The following EYS variants were observed in gnomAD, a reference collection of about 807,000 sequenced individuals.
EYS encodes EGF-like photoreceptor maintenance factor, also known as protein eyes shut homolog.
EYS carries 250 observed loss-of-function variants against 282.1 expected under a neutral mutation model. That is an observed-to-expected ratio of 0.89 (90% CI 0.80 to 0.98). EYS has a LOEUF of 0.98. Among genes scored for constraint, EYS ranks in the 50% least tolerant of loss-of-function variants. EYS has a pLI of 0.00. For missense variants in EYS, 4,016 were observed against 3,709.0 expected (o/e 1.08, Z -2.15); for synonymous variants, 1,355 against 1,282.9 (o/e 1.06, Z -1.20).
chr6:64,182,765 C>A (rs539730129), intron 31 of EYS, among the ~76,000 whole-genome samples: 1 of 152,232 alleles, frequency 6.6e-6, no homozygotes, highest in African/African-American at 2.4e-5. Context: ...GAATTCACTT[C>A]TTTCTACTCA....
In EYS at chr6:64,668,543, C is replaced by CTTT. The variant is rs35765768; in HGVS notation, c.3444-42301_3444-42299dup. On this transcript the variant is annotated intron_variant, in intron 22 of 42. Coordinates refer to ENST00000503581, the MANE Select transcript of EYS (RefSeq NM_001142800.2). The stretch of plus-strand genomic sequence containing the variant: ...CAGCCTTCCAGCTAGTACCACAATT[C>CTTT]TTTTTTTTTTTTTTTTTTTTTTTCG... Among the ~76,000 whole-genome samples the CTTT allele has an allele frequency of 5.5e-4, 42 of 76,148 alleles. 1 individual carries two copies. Among genetic ancestry groups the CTTT allele is most frequent in the South Asian group, 1.1e-3 (2 of 1,758 alleles). The allele number at this position is 76,148 out of a possible 152,430, so 50.0% of individuals were successfully genotyped here. A position where few individuals can be genotyped will look rare whatever the true frequency, so the allele number is the denominator to read the frequency against.
At chr6:64,202,812 A>T (rs1213874109) in intron 31 of EYS, among the ~76,000 whole-genome samples, 1 of 152,186 alleles carries the variant, frequency 6.6e-6, no homozygotes, top group Non-Finnish European at 1.5e-5. Flanking sequence ...GAAGGCAGAG[A>T]TTAGAGTTAT....
intron 29 of EYS, among the ~76,000 whole-genome samples, chr6:64,348,039 T>A (rs574708669): frequency 8.9e-4 from 135 of 151,438 alleles, no homozygotes; most frequent in Non-Finnish European, 9.6e-4. Flanking sequence ...TATATTTTAA[T>A]ATTTAAAATT....
At chr6:64,221,794 C>T (rs926730976) in intron 31 of EYS, among the ~76,000 whole-genome samples, 2 of 151,990 alleles carry the variant, frequency 1.3e-5, no homozygotes, top group Non-Finnish European at 2.9e-5. Flanking sequence ...ATATAAGAAA[C>T]TTGATTGTTT....
At chr6:64,371,324 GTT>G (rs34032224) in intron 29 of EYS, among the ~76,000 whole-genome samples, 1 of 143,112 alleles carries the variant, frequency 7.0e-6, no homozygotes, top group Non-Finnish European at 1.5e-5. Flanking sequence ...TTTATGGTTG[GTT>G]TTTTTTTTTT....
At chr6:64,229,539 T>A (rs1766356077) in intron 31 of EYS, among the ~76,000 whole-genome samples, 1 of 152,222 alleles carries the variant, frequency 6.6e-6, no homozygotes, top group South Asian at 2.1e-4. Flanking sequence ...TCAGAGCATT[T>A]TATAGATAAA....
chr6:65,493,934 C>T (rs937902522), intron 4 of EYS, among the ~76,000 whole-genome samples: 2 of 152,154 alleles, frequency 1.3e-5, no homozygotes, highest in Admixed American at 6.5e-5. Flanking sequence ...TCCCTTCAAC[C>T]ATAGTTCCCT....
chr6:64,183,569 T>C (rs138227399), intron 31 of EYS, among the ~76,000 whole-genome samples: 137 of 152,284 alleles, frequency 9.0e-4, no homozygotes, highest in African/African-American at 3.3e-3. Flanking sequence ...AGAAACAAAG[T>C]TTGTAATAAA....
intron 30 of EYS, among the ~76,000 whole-genome samples, chr6:64,251,684 T>C (rs936173620): frequency 2.0e-5 from 3 of 152,168 alleles, no homozygotes; most frequent in African/African-American, 2.4e-5. Flanking sequence ...TTTGCTGAAA[T>C]AGTTTAGTGT....
rs558614598 is a variant in EYS, at chr6:65,504,960, T to A, written c.-332-8967A>T. On this transcript the variant is annotated intron_variant, in intron 2 of 42. Transcript: ENST00000503581. Reference sequence around the variant, plus strand: ...GGAAGTGTTCCATCTGCTTCTATTTTACTGGAAGAGGTTATGAAGAATTGG... The same window carrying A: ...GGAAGTGTTCCATCTGCTTCTATTTAACTGGAAGAGGTTATGAAGAATTGG... Among the ~76,000 whole-genome samples, 188 of 151,924 alleles carry A rather than the reference T, an allele frequency of 1.2e-3. 1 individual carries two copies. The highest frequency in any genetic ancestry group is 2.2e-3 in the Admixed American group (34 of 15,226).
At chr6:64,342,999 GAACT>G (rs1771190536) in intron 29 of EYS, among the ~76,000 whole-genome samples, 1 of 152,072 alleles carries the variant, frequency 6.6e-6, no homozygotes, top group African/African-American at 2.4e-5. Flanking sequence ...TCAACAAGAA[GAACT>G]AACTATCCTA....
intron 18 of EYS, among the ~76,000 whole-genome samples, chr6:64,895,737 A>G (rs1767439271): frequency 1.3e-5 from 2 of 152,200 alleles, no homozygotes; most frequent in African/African-American, 4.8e-5. Flanking sequence ...GCTTATTTAT[A>G]TAAAAAAATA....
intron 26 of EYS, among the ~76,000 whole-genome samples, chr6:64,564,880 G>A (rs903346992): frequency 2.0e-5 from 3 of 152,126 alleles, no homozygotes; most frequent in Non-Finnish European, 4.4e-5. Flanking sequence ...CATTCAAACA[G>A]GTGTGTGGTG....
intron 2 of EYS, among the ~76,000 whole-genome samples, chr6:65,613,545 T>C (rs1766077228): frequency 6.6e-6 from 1 of 151,852 alleles, no homozygotes; most frequent in South Asian, 2.1e-4. Flanking sequence ...GTGTGAGCAT[T>C]AGCAGCAATT....
chr6:64,292,987 A>C (rs1179921456), intron 30 of EYS, among the ~76,000 whole-genome samples: 3 of 152,074 alleles, frequency 2.0e-5, no homozygotes, highest in African/African-American at 7.2e-5. Flanking sequence ...TCTTCTTTAC[A>C]GTTCTATATG....
rs369906234 is a variant in EYS, at chr6:65,332,335, C to T, written c.1766+2645G>A. 1.2e-4 allele frequency: 94 copies of T among 754,670 alleles called. No homozygotes were observed. Among genetic ancestry groups the T allele is most frequent in the East Asian group, 3.5e-4 (13 of 37,188 alleles). 46.7% of individuals were successfully genotyped at this position (754,670 alleles called of 1,614,324 possible). ...CCACTAAATCAAACTTATATTCTTACGATAAATCCCACCTGGTCATGCTGT... is the reference window on the plus strand; with the variant it reads ...CCACTAAATCAAACTTATATTCTTATGATAAATCCCACCTGGTCATGCTGT... On this transcript the variant is annotated intron_variant, in intron 11 of 42. Transcript: ENST00000503581.
Position 64,166,228 on chromosome 6 carries a change from G to A in EYS, c.6424+64364C>T, listed in dbSNP as rs201602508. On this transcript the variant is annotated intron_variant, in intron 31 of 42. Coordinates refer to ENST00000503581, the MANE Select transcript of EYS (RefSeq NM_001142800.2). ...CATAATGTTTAATAATGATAACACA[G>A]CAATTATCAACCTAAAACACCTTTG... 1.2e-4 allele frequency among the ~76,000 whole-genome samples: 18 copies of A among 152,080 alleles called. No homozygotes were observed. In the East Asian group the frequency reaches 2.7e-3, roughly 23 times the overall value.
At chr6:64,704,973 G>C (rs1770949543) in intron 22 of EYS, among the ~76,000 whole-genome samples, 1 of 151,944 alleles carries the variant, frequency 6.6e-6, no homozygotes, top group Non-Finnish European at 1.5e-5. Flanking sequence ...GGAAGTCCTA[G>C]CCAGAGCAAT....
At chr6:65,082,219 C>A (rs1355590644) in intron 12 of EYS, among the ~76,000 whole-genome samples, 1 of 151,964 alleles carries the variant, frequency 6.6e-6, no homozygotes, top group Non-Finnish European at 1.5e-5. Flanking sequence ...ATAATAAAAT[C>A]ATTCTTTCTG....
Sources: allele counts gnomAD v4.1 joint callset (sites outside exome capture counted in the v4.1 genomes callset), GRCh38; gene constraint gnomAD v4.1.1; transcripts MANE v1.5; gene names NCBI Gene and HGNC (gene_info 2026-07-23, HGNC 2026-07-21).